TFIP11: variants seen among roughly 807,000 people sequenced by gnomAD.
TFIP11 encodes tuftelin interacting protein 11, also known as tuftelin-interacting protein 11.
Under a neutral mutation model 96.8 loss-of-function variants are expected in TFIP11, and 86 were observed. The observed-to-expected ratio is 0.89, with a 90% confidence interval of 0.75 to 1.06. TFIP11 has a LOEUF of 1.06. Ranked by LOEUF, TFIP11 falls within the 50% of genes least tolerant of loss-of-function variation. TFIP11 has a pLI of 0.00. For missense variants in TFIP11, 881 were observed against 1,076.7 expected (o/e 0.82, Z 2.54); for synonymous variants, 405 against 395.2 (o/e 1.02, Z -0.29).
Position 26,491,999 on chromosome 22 carries a change from G to C in TFIP11, c.*14C>G, listed in dbSNP as rs1322156466. 1 of 1,574,692 alleles carries C rather than the reference G, an allele frequency of 6.4e-7. No individual in the cohort carries two copies. Among genetic ancestry groups the C allele is most frequent in the Non-Finnish European group, 8.6e-7 (1 of 1,159,564 alleles). On this transcript the variant is annotated 3_prime_UTR_variant, in exon 15 of 15. Transcript: ENST00000407690. The stretch of plus-strand genomic sequence containing the variant: ...TAGGGGCAAGTCTCTGACTGGTTCT[G>C]GACCTGCCACAGTTCACTTGGCCAT...
chr22:26,501,064 T>C (rs1253294773), intron 8 of TFIP11, among the ~76,000 whole-genome samples: 1 of 151,980 alleles, frequency 6.6e-6, no homozygotes, highest in Non-Finnish European at 1.5e-5. Context: ...TTTGTATTTT[T>C]AGTAGAGACG....
At chr22:26,509,969 G>A in intron 4 of TFIP11, 95 bp downstream of exon 4, 1 of 1,332,524 alleles carries the variant, frequency 7.5e-7, no homozygotes, top group Non-Finnish European at 1.1e-6. Flanking sequence ...AAGGCCAGGT[G>A]AGAAGTATAC....
rs900825136 is a variant in TFIP11, at chr22:26,506,982, C to T, written c.210-54G>A. 10 of 1,580,974 alleles carry T rather than the reference C, an allele frequency of 6.3e-6. No individual in the cohort carries two copies. In the East Asian group the frequency reaches 1.8e-4, roughly 29 times the overall value. ...GGTCGGTAAAGAACTCTTTTCTCTG[C>T]AGCGATCCTTTTGCAGAAACTACGT... On this transcript the variant is annotated intron_variant, in intron 4 of 14. Coordinates refer to ENST00000407690, the MANE Select transcript of TFIP11 (RefSeq NM_012143.4).
At chr22:26,507,642 A>G (rs1031878234) in intron 4 of TFIP11, among the ~76,000 whole-genome samples, 6 of 151,578 alleles carry the variant, frequency 4.0e-5, no homozygotes, top group East Asian at 3.8e-4. Flanking sequence ...AAAAAAAAAA[A>G]AAAAGAAAAG....
At chr22:26,502,216 C>T (rs1340569681) in intron 7 of TFIP11, 164 bp from the exon 8 acceptor site, 4 of 751,942 alleles carry the variant, frequency 5.3e-6, no homozygotes, top group Admixed American at 5.1e-5. Context: ...CCAAAACTAT[C>T]TAATGATACT....
intron 4 of TFIP11, among the ~76,000 whole-genome samples, chr22:26,508,166 C>T (rs1384808973): frequency 1.3e-5 from 2 of 152,158 alleles, no homozygotes; most frequent in Non-Finnish European, 2.9e-5. Context: ...AAATGACCAA[C>T]CTAGTAATTC....
intron 4 of TFIP11, among the ~76,000 whole-genome samples, 190 bp downstream of exon 4, chr22:26,509,874 T>C (rs942079028): frequency 7.2e-5 from 11 of 151,982 alleles, no homozygotes; most frequent in African/African-American, 2.7e-4. Context: ...TAATAATAAA[T>C]AGAATAAATC....
chr22:26,499,914 T>C (rs187989894), intron 8 of TFIP11, among the ~76,000 whole-genome samples: 1 of 152,222 alleles, frequency 6.6e-6, no homozygotes, highest in East Asian at 1.9e-4. Flanking sequence ...AGGGACTGAG[T>C]ATTAGTAGAT....
At chr22:26,511,660 G>A (rs138863166) in intron 2 of TFIP11, 10 of 152,290 alleles carry the variant, frequency 6.6e-5, no homozygotes, top group African/African-American at 2.4e-4. Context: ...CACTCCATAG[G>A]TGACAGCAAT....
At chr22:26,501,358 A>G (rs1467747368) in intron 8 of TFIP11, among the ~76,000 whole-genome samples, 3 of 152,174 alleles carry the variant, frequency 2.0e-5, no homozygotes, top group African/African-American at 7.2e-5. Context: ...GTACTTTTGT[A>G]TTCAACATGG....
intron 7 of TFIP11, among the ~76,000 whole-genome samples, chr22:26,502,261 G>A (rs1013874847): frequency 6.6e-6 from 1 of 152,090 alleles, no homozygotes. Context: ...AAATAATGAG[G>A]TTCAGAAGGC....
chr22:26,502,920 G>C (rs1411775678), intron 7 of TFIP11, among the ~76,000 whole-genome samples: 1 of 152,162 alleles, frequency 6.6e-6, no homozygotes, highest in Admixed American at 6.5e-5. Flanking sequence ...GTAGGCTTCT[G>C]AGAACACCTG....
chr22:26,504,325 G>C (rs1923154565), intron 6 of TFIP11, among the ~76,000 whole-genome samples: 1 of 152,080 alleles, frequency 6.6e-6, no homozygotes, highest in Non-Finnish European at 1.5e-5. Flanking sequence ...TTTACGAATA[G>C]GACCACAACA....
rs1356107431 is a variant in TFIP11 at position 26,492,019 on chromosome 22, G to A, written c.2508C>T (p.Ala836=). The change falls in exon 15 of 15, where the codon GCC becomes GCT. Residue 836 remains alanine (A), a synonymous_variant. Transcript: ENST00000407690. The part of the protein sequence containing the change: ...PTSLQSLIDM[A]K ...GTTCTGGACCTGCCACAGTTCACTT[G>A]GCCATGTCGATCAGGCTCTGCAGTG... 5 of 1,594,022 alleles carry A rather than the reference G, an allele frequency of 3.1e-6. No homozygotes were observed. Among genetic ancestry groups the A allele is most frequent in the Non-Finnish European group, 4.3e-6 (5 of 1,170,300 alleles).
At chr22:26,506,725 A>G (rs753728818) in intron 5 of TFIP11, 50 bp downstream of exon 5, 8 of 1,599,346 alleles carry the variant, frequency 5.0e-6, no homozygotes, top group Non-Finnish European at 6.8e-6. Context: ...TTGGGCCACA[A>G]TGACCTTTGA....
rs11704813 is a variant in TFIP11 at position 26,504,656 on chromosome 22, T to A, written c.521-863A>T. On this transcript the variant is annotated intron_variant, in intron 6 of 14. Transcript: ENST00000407690. ...TTGCACTCTACCCTAGGTAACAGAG[T>A]GAGACTTTGTATCAAAAAAAAGCAA... Among the ~76,000 whole-genome samples the A allele has an allele frequency of 1.8e-3, 268 of 152,068 alleles. 1 individual carries two copies. The highest frequency in any genetic ancestry group is 3.4e-3 in the Non-Finnish European group (228 of 67,980).
chr22:26,501,885 C>T lies in TFIP11; in HGVS notation c.801+15G>A. 6.2e-7 allele frequency: 1 copy of T among 1,600,808 alleles called. No homozygotes were observed. Among genetic ancestry groups the T allele is most frequent in the Non-Finnish European group, 8.5e-7 (1 of 1,172,476 alleles). On this transcript the variant is annotated intron_variant, in intron 8 of 14. Transcript: ENST00000407690. The stretch of plus-strand genomic sequence containing the variant: ...GGGTGTGGATCCTGTACCAGGTGTC[C>T]AAGGGCCCCTGTACCTTGACTTGAG...
chr22:26,501,506 T>C (rs189969817), intron 8 of TFIP11, among the ~76,000 whole-genome samples: 114 of 151,970 alleles, frequency 7.5e-4, no homozygotes, highest in African/African-American at 2.5e-3. Context: ...GATCAAATAA[T>C]ACAGCACAGC....
At chr22:26,506,519 G>A (rs1923430874) in intron 5 of TFIP11, 60 bp from the exon 6 acceptor site, 3 of 1,555,346 alleles carry the variant, frequency 1.9e-6, no homozygotes, top group Non-Finnish European at 2.6e-6. Context: ...AAAAATCTAA[G>A]AAAGCTTGGC....
Sources: allele counts gnomAD v4.1 joint callset (sites outside exome capture counted in the v4.1 genomes callset), GRCh38; gene constraint gnomAD v4.1.1; transcripts MANE v1.5; gene names NCBI Gene and HGNC (gene_info 2026-07-23, HGNC 2026-07-21).